Variants in ZNF226 observed in about 807,000 individuals in gnomAD.
ZNF226 encodes Kruppel-associated box protein.
In ZNF226, 6 loss-of-function variants were observed where a neutral mutation model predicts 11.4. The ratio of observed to expected loss-of-function variants is 0.53; its 90% CI spans 0.29 to 1.04. The LOEUF (loss-of-function observed/expected upper bound fraction) is 1.04. Among genes scored for constraint, ZNF226 ranks in the 50% least tolerant of loss-of-function variants. The pLI, the probability that ZNF226 is intolerant of heterozygous loss-of-function variation, is 0.08. For missense variants in ZNF226, 1,058 were observed against 956.5 expected (o/e 1.11, Z -1.40); for synonymous variants, 350 against 322.8 (o/e 1.08, Z -0.90).
chr19:44,175,827 C>T lies in ZNF226; in HGVS notation c.565C>T (p.Gln189Ter), dbSNP rs754030996. The T allele has an allele frequency of 1.2e-6, 2 of 1,613,484 alleles. No individual in the cohort carries two copies. The highest frequency in any genetic ancestry group is 1.7e-5 in the Admixed American group (1 of 59,954). ...GTCACAGAGATTGAACAGAGATCAG[C>T]AAATTTCCATAAAAAATAAATTATG... ...TESQRLNRDQ[Q>*]ISIKNKLCQC... The change falls in exon 6 of 6, where the codon CAA (glutamine) becomes TAA (stop). Residue 189 changes from glutamine (Q) to a stop codon, truncating the protein, a stop_gained. Transcript: ENST00000337433. LOFTEE classifies it low-confidence loss of function (END_TRUNC).
At chr19:44,198,317 G>C in the ZNF226 span, among the ~76,000 whole-genome samples, 1 of 152,054 alleles carries the variant, frequency 6.6e-6, no homozygotes, top group African/African-American at 2.4e-5. Context: ...TTTAGACTCA[G>C]CTTGCCAGTT....
chr19:44,180,086 C>CA (rs60173546), downstream of ZNF226, among the ~76,000 whole-genome samples: 10,351 of 52,022 alleles, frequency 0.2, 1,079 homozygotes, highest in Non-Finnish European at 0.31. Flanking sequence ...GACTCTGTCT[C>CA]AAAAAAAAAA....
chr19:44,172,602 GTGAGAACCAATGGGAGATT>G (rs1970231902), intron 4 of ZNF226: 1 of 485,704 alleles, frequency 2.1e-6, no homozygotes, highest in Non-Finnish European at 3.6e-6. Context: ...CTTGAGTGAT[GTGAGAACCAATGGGAGATT>G]TAAGGAAAAC....
downstream of ZNF226, chr19:44,177,897 T>G (rs561870980): frequency 6.4e-6 from 3 of 466,448 alleles, no homozygotes; most frequent in Non-Finnish European, 1.1e-5. Context: ...TATAAAAGTA[T>G]CATGGTGGAC....
At chr19:44,188,169 G>A in the ZNF226 span, among the ~76,000 whole-genome samples, 5,973 of 152,096 alleles carry the variant, frequency 0.039, 182 homozygotes, top group South Asian at 0.082. Context: ...CAAGTCCTCC[G>A]TTTCCTCATT....
At chr19:44,181,627 A>G (rs1970908299), downstream of ZNF226, among the ~76,000 whole-genome samples, 1 of 152,226 alleles carries the variant, frequency 6.6e-6, no homozygotes, top group African/African-American at 2.4e-5. Flanking sequence ...GGCATCAATG[A>G]GAAGGAATGG....
Position 44,172,858 on chromosome 19 carries a change from A to G in ZNF226, c.143-2A>G, listed in dbSNP as rs954993986. 1.9e-6 allele frequency: 3 copies of G among 1,593,046 alleles called. No individual in the cohort carries two copies. The highest frequency in any genetic ancestry group is 1.3e-5 in the African/African-American group (1 of 74,566). On this transcript the variant is annotated splice_acceptor_variant, in intron 4 of 5. Transcript: ENST00000337433. LOFTEE classifies it high-confidence loss of function. ...TCAACTTGTGATTTGGCATTTTCAC[A>G]GGGCATCCACCCTTCAAACAAGATG...
the ZNF226 span, among the ~76,000 whole-genome samples, chr19:44,188,399 G>A: frequency 6.6e-6 from 1 of 152,142 alleles, no homozygotes; most frequent in Admixed American, 6.5e-5. Flanking sequence ...TGAAAAGAAT[G>A]AACCGTTGCA....
At chr19:44,167,539 CG>C (rs1969549202) in intron 2 of ZNF226, among the ~76,000 whole-genome samples, 1 of 151,936 alleles carries the variant, frequency 6.6e-6, no homozygotes, top group African/African-American at 2.4e-5. Context: ...AGGCTGGTCT[CG>C]AACTCCTGAC....
intron 5 of ZNF226, chr19:44,175,212 A>G: frequency 7.1e-7 from 1 of 1,410,468 alleles, no homozygotes. Flanking sequence ...ATACCATATT[A>G]TGGTAGGAAA....
chr19:44,177,561 C>A lies in ZNF226; in HGVS notation c.2299C>A (p.Arg767=). Residue 767 remains arginine (R), a synonymous_variant, in exon 6 of 6, where the codon CGA becomes AGA. Coordinates refer to ENST00000337433, the MANE Select transcript of ZNF226 (RefSeq NM_001032373.2). ...GATATGTGGTAAGAGCTTCAGTTGG[C>A]GATCAAATCTTACAGTTCATCACAG... ...CEICGKSFSW[R]SNLTVHHRIH... is the part of the protein sequence containing the mutation. 1.2e-6 allele frequency: 2 copies of A among 1,613,848 alleles called. No homozygotes were observed. The highest frequency in any genetic ancestry group is 2.2e-5 in the South Asian group (2 of 91,076).
chr19:44,170,288 A>G (rs1195900371), intron 3 of ZNF226, among the ~76,000 whole-genome samples, 193 bp downstream of exon 3: 3 of 152,182 alleles, frequency 2.0e-5, no homozygotes, highest in Admixed American at 6.5e-5. Context: ...TTTTACAAAT[A>G]AAGGTAGAAA....
chr19:44,188,862 G>A, the ZNF226 span, among the ~76,000 whole-genome samples: 20,611 of 152,174 alleles, frequency 0.14, 3,544 homozygotes, highest in African/African-American at 0.39. Flanking sequence ...GGTATATTCA[G>A]GGAGGTAAAT....
chr19:44,196,062 A>G, the ZNF226 span, among the ~76,000 whole-genome samples: 2 of 151,978 alleles, frequency 1.3e-5, no homozygotes, highest in African/African-American at 4.8e-5. Flanking sequence ...AGAAGGAATG[A>G]TGCCAGGGGG....
chr19:44,182,547 A>T (rs1970922858), downstream of ZNF226, among the ~76,000 whole-genome samples: 1 of 152,236 alleles, frequency 6.6e-6, no homozygotes, highest in Middle Eastern at 3.4e-3. Context: ...CAACCCTTGT[A>T]CTCTGGGAAG....
Position 44,170,023 on chromosome 19 carries a change from C to T in ZNF226, c.-46-12C>T. On this transcript the variant is annotated splice_polypyrimidine_tract_variant and intron_variant, in intron 2 of 5. Coordinates refer to ENST00000337433, the MANE Select transcript of ZNF226 (RefSeq NM_001032373.2). ...TTACCCAGTTTTGATTTATTTCTCT[C>T]TTCTTTCCTAGTTCAGCTTCTTAGG... is the stretch of plus-strand genomic sequence containing the variant. 2 of 1,564,144 alleles carry T rather than the reference C, an allele frequency of 1.3e-6. No homozygotes were observed. Among genetic ancestry groups the T allele is most frequent in the Non-Finnish European group, 1.7e-6 (2 of 1,151,348 alleles).
chr19:44,165,179 T>C (rs1243719333), intron 1 of ZNF226, 37 bp downstream of exon 1: 4 of 152,190 alleles, frequency 2.6e-5, no homozygotes, highest in Non-Finnish European at 5.9e-5. Flanking sequence ...TTCCCCGAAA[T>C]GCACTTGTGG....
At position 44,176,448 on chromosome 19, in the gene ZNF226, T is replaced by C; in HGVS notation, c.1186T>C (p.Cys396Arg). The C allele has an allele frequency of 1.2e-6, 2 of 1,614,038 alleles. No individual in the cohort carries two copies. The highest frequency in any genetic ancestry group is 2.2e-5 in the East Asian group (1 of 44,868). ...TGEKPFKCDA[C>R]GKSFSRNSHL... ...GGAGAAGCCATTCAAATGTGATGCA[T>C]GTGGTAAGAGCTTCAGTCGGAATTC... is the stretch of plus-strand genomic sequence containing the variant. Residue 396 changes from cysteine to arginine, a missense_variant, in exon 6 of 6, where the codon TGT becomes CGT. By Grantham distance (180) the Cys-to-Arg change is radical. Transcript: ENST00000337433.
chr19:44,175,061 T>C (rs749138464), intron 5 of ZNF226: 1 of 1,610,028 alleles, frequency 6.2e-7, no homozygotes, highest in Non-Finnish European at 8.5e-7. Flanking sequence ...GAAGAAATGT[T>C]GGAAGTCATT....
Sources: allele counts gnomAD v4.1 joint callset (sites outside exome capture counted in the v4.1 genomes callset), GRCh38; gene constraint gnomAD v4.1.1; transcripts MANE v1.5; gene names NCBI Gene and HGNC (gene_info 2026-07-23, HGNC 2026-07-21).